NAV3: variants seen among roughly 807,000 people sequenced by gnomAD.
NAV3 encodes the protein pore membrane and/or filament interacting like protein 1.
A neutral mutation model predicts 244.7 loss-of-function variants in NAV3; 87 were observed. The observed-to-expected ratio is 0.36, with a 90% CI of 0.30 to 0.42. The LOEUF (loss-of-function observed/expected upper bound fraction) is 0.42, where lower values mean the gene tolerates loss of function less well. NAV3 is among the 20% of genes least tolerant of loss of function. The pLI is 1.00. For synonymous variants in NAV3, 1,126 were observed against 1,042.2 expected, an observed-to-expected ratio of 1.08 and a Z score of -1.55; for missense variants, 2,663 against 2,893.3, an observed-to-expected ratio of 0.92 and a Z score of 1.83.
At chr12:77,764,878 T>C (rs905844789) in intron 2 of NAV3, among the ~76,000 whole-genome samples, 18 of 152,240 alleles carry the variant, frequency 1.2e-4, no homozygotes, top group South Asian at 2.1e-4. Context: ...TCGTGTAACA[T>C]ATATCCATCC....
chr12:77,803,325 T>C (rs1201046253), intron 2 of NAV3, among the ~76,000 whole-genome samples: 1 of 152,160 alleles, frequency 6.6e-6, no homozygotes, highest in Non-Finnish European at 1.5e-5. Context: ...TCCCTCCCTG[T>C]GTCCATGTGT....
At chr12:77,994,967 C>A in intron 6 of NAV3, 96 bp downstream of exon 6, 1 of 843,094 alleles carries the variant, frequency 1.2e-6, no homozygotes, top group Non-Finnish European at 1.8e-6. Context: ...TGATGCACTT[C>A]TGAATGAGAA....
intron 5 of NAV3, among the ~76,000 whole-genome samples, chr12:77,981,073 A>G (rs1252944369): frequency 6.6e-6 from 1 of 152,190 alleles, no homozygotes; most frequent in African/African-American, 2.4e-5. Flanking sequence ...AATTCAGATG[A>G]TATTTCAGCC....
intron 1 of NAV3, among the ~76,000 whole-genome samples, chr12:77,912,802 G>A (rs956336820): frequency 1.3e-5 from 2 of 149,610 alleles, no homozygotes; most frequent in Non-Finnish European, 3.0e-5. Context: ...ACTAGAGATG[G>A]GGTTTCACCA....
Position 77,831,539 on chromosome 12 carries a change from A to C in NAV3, c.78A>C (p.Ile26=). Reference sequence around the variant, plus strand: ...AGCCTGTGCATACTGCTCTTCCGATACCAAATCTTGGCACTACTGGGTCAC... The same window carrying C: ...AGCCTGTGCATACTGCTCTTCCGATCCCAAATCTTGGCACTACTGGGTCAC... ...GSKPVHTALP[I]PNLGTTGSQH... is the part of the protein sequence containing the mutation. The change falls in exon 1 of 40, where the codon ATA becomes ATC. Residue 26 remains isoleucine, a synonymous_variant. Coordinates refer to ENST00000397909, the MANE Select transcript of NAV3 (RefSeq NM_001024383.2). 6.2e-7 allele frequency: 1 copy of C among 1,614,094 alleles called. No individual in the cohort carries two copies. Among genetic ancestry groups the C allele is most frequent in the Non-Finnish European group, 8.5e-7 (1 of 1,179,984 alleles).
chr12:77,717,982 T>A (rs1347507473), intron 2 of NAV3, among the ~76,000 whole-genome samples: 1 of 152,196 alleles, frequency 6.6e-6, no homozygotes, highest in African/African-American at 2.4e-5. Flanking sequence ...ATTAACCCTG[T>A]ATCAGATATG....
chr12:78,181,133 C>T (rs1206180248), intron 30 of NAV3, 88 bp downstream of exon 30: 4 of 1,203,910 alleles, frequency 3.3e-6, no homozygotes, highest in Admixed American at 2.2e-5. Context: ...TTTACGTACT[C>T]TTAAAAATGT....
intron 2 of NAV3, among the ~76,000 whole-genome samples, chr12:77,706,094 T>C (rs1049757919): frequency 6.6e-6 from 1 of 151,340 alleles, no homozygotes; most frequent in Non-Finnish European, 1.5e-5. Flanking sequence ...AAACAAACTC[T>C]AACTTTTATG....
At position 77,994,117 on chromosome 12, in the gene NAV3, T is replaced by C. The variant is rs535364709; in HGVS notation, c.672-686T>C. 2.4e-4 allele frequency among the ~76,000 whole-genome samples: 36 copies of C among 152,378 alleles called. No individual in the cohort carries two copies. The South Asian group carries it at 5.8e-3, about 25-fold the overall frequency. On this transcript the variant is annotated intron_variant, in intron 5 of 39. Coordinates refer to ENST00000397909, the MANE Select transcript of NAV3 (RefSeq NM_001024383.2). ...ACAAAGATTTTGATTTAAAAAATCA[T>C]TGAGAAATGTAATTCAAGAATGCCC...
chr12:78,034,373 T>A (rs1280296656), intron 9 of NAV3, among the ~76,000 whole-genome samples: 3 of 152,118 alleles, frequency 2.0e-5, no homozygotes, highest in African/African-American at 7.2e-5. Flanking sequence ...TATCTGGAAA[T>A]ATGTTAGAAA....
intron 23 of NAV3, among the ~76,000 whole-genome samples, chr12:78,161,172 A>G (rs1039541260): frequency 1.3e-5 from 2 of 152,134 alleles, no homozygotes; most frequent in African/African-American, 4.8e-5. Context: ...CTTGAACCTC[A>G]AATTCACCTT....
At chr12:78,127,608 G>C (rs944399946) in intron 17 of NAV3, among the ~76,000 whole-genome samples, 1 of 152,108 alleles carries the variant, frequency 6.6e-6, no homozygotes, top group African/African-American at 2.4e-5. Context: ...TTGCCTATTA[G>C]AGTCATATGC....
At chr12:77,638,673 A>G (rs940361627) in intron 2 of NAV3, among the ~76,000 whole-genome samples, 1 of 152,246 alleles carries the variant, frequency 6.6e-6, no homozygotes, top group Non-Finnish European at 1.5e-5. Flanking sequence ...GTGACAGTTT[A>G]TATAATAATT....
At chr12:78,090,847 G>A (rs1359933828) in intron 12 of NAV3, among the ~76,000 whole-genome samples, 1 of 151,982 alleles carries the variant, frequency 6.6e-6, no homozygotes, top group Non-Finnish European at 1.5e-5. Flanking sequence ...TTCCGTAACA[G>A]TCTTTTCATG....
chr12:78,001,663 A>T (rs192020958), intron 7 of NAV3, among the ~76,000 whole-genome samples: 1 of 152,324 alleles, frequency 6.6e-6, no homozygotes, highest in Non-Finnish European at 1.5e-5. Flanking sequence ...ATTTGAAAAA[A>T]TAGTGTGCTC....
intron 35 of NAV3, among the ~76,000 whole-genome samples, chr12:78,198,045 A>G (rs1037372705): frequency 2.0e-5 from 3 of 151,834 alleles, no homozygotes; most frequent in Non-Finnish European, 2.9e-5. Flanking sequence ...AAATCTTAAA[A>G]CCCACTAAAG....
At chr12:78,114,051 C>T (rs1352961066) in intron 12 of NAV3, among the ~76,000 whole-genome samples, 2 of 152,152 alleles carry the variant, frequency 1.3e-5, no homozygotes, top group African/African-American at 4.8e-5. Flanking sequence ...AGGGCAGGGG[C>T]AAAATGCCAC....
chr12:78,095,062 T>TAC (rs1184897618), intron 12 of NAV3, among the ~76,000 whole-genome samples: 12 of 111,774 alleles, frequency 1.1e-4, no homozygotes, highest in African/African-American at 2.3e-4. Flanking sequence ...TATATATATA[T>TAC]ATACACACAC....
At chr12:78,150,489 TTTTTTTGTTTTTGTTTTTG>T (rs1398850794) in intron 22 of NAV3, among the ~76,000 whole-genome samples, 26 of 130,276 alleles carry the variant, frequency 2.0e-4, no homozygotes, top group African/African-American at 7.0e-4. Flanking sequence ...GTATTTCACA[TTTTTTTGTTTTTGTTTTTG>T]TTTTTTTTTC....
Sources: gnomAD v4.1 joint callset for allele counts (sites outside exome capture counted in the v4.1 genomes callset) on GRCh38, gnomAD v4.1.1 for gene constraint, MANE v1.5 for transcripts, NCBI Gene and HGNC (gene_info 2026-07-23, HGNC 2026-07-21) for gene names.